Variants in CSMD1 observed in about 807,000 individuals in gnomAD.
CSMD1 encodes CUB and sushi domain-containing protein 1.
CSMD1 carries 213 observed loss-of-function variants against 417.5 expected under a neutral mutation model. That is an observed-to-expected ratio of 0.51 (90% CI 0.46 to 0.57). CSMD1 has a LOEUF of 0.57. Among genes scored for constraint, CSMD1 ranks in the 20% least tolerant of loss-of-function variants. The pLI is 0.00. For missense variants in CSMD1, 6,923 were observed against 4,529.7 expected, an observed-to-expected ratio of 1.53 and a Z score of -15.17; for synonymous variants, 2,862 against 1,736.8, an observed-to-expected ratio of 1.65 and a Z score of -16.11.
intron 2 of CSMD1, among the ~76,000 whole-genome samples, chr8:4,595,648 T>C (rs537188554): frequency 6.6e-6 from 1 of 152,262 alleles, no homozygotes; most frequent in East Asian, 1.9e-4. Flanking sequence ...ATGTCTGTAG[T>C]CCCAGCTACT....
intron 1 of CSMD1, among the ~76,000 whole-genome samples, chr8:4,664,183 G>C (rs901134134): frequency 2.0e-5 from 3 of 152,284 alleles, no homozygotes; most frequent in East Asian, 1.9e-4. Context: ...TCTCAAAGTA[G>C]CCCAGGGAGT....
At chr8:3,976,518 G>A (rs1470701041) in intron 5 of CSMD1, among the ~76,000 whole-genome samples, 1 of 152,110 alleles carries the variant, frequency 6.6e-6, no homozygotes, top group Non-Finnish European at 1.5e-5. Flanking sequence ...TTGTTGAATA[G>A]TCAAATATAA....
At chr8:3,611,661 T>C (rs1255541852) in intron 8 of CSMD1, among the ~76,000 whole-genome samples, 1 of 152,102 alleles carries the variant, frequency 6.6e-6, no homozygotes, top group Non-Finnish European at 1.5e-5. Context: ...CATCATGAGT[T>C]TGACAGTTTT....
intron 2 of CSMD1, among the ~76,000 whole-genome samples, chr8:4,577,240 A>T (rs1799181982): frequency 6.6e-6 from 1 of 152,154 alleles, no homozygotes; most frequent in Non-Finnish European, 1.5e-5. Context: ...AAAGGAAAAA[A>T]ATTCACTTAG....
intron 1 of CSMD1, among the ~76,000 whole-genome samples, chr8:4,962,910 T>G (rs553380605): frequency 1.6e-4 from 25 of 152,232 alleles, no homozygotes; most frequent in Non-Finnish European, 2.8e-4. Context: ...TATCTCCACT[T>G]TTCTGGTAGT....
Position 3,939,063 on chromosome 8 carries a change from C to G in CSMD1, c.818+58840G>C, listed in dbSNP as rs2627527. 7.9e-3 allele frequency among the ~76,000 whole-genome samples: 1,203 copies of G among 152,114 alleles called. 46 individuals carry two copies. The East Asian group carries it at 0.11, about 13-fold the overall frequency. On this transcript the variant is annotated intron_variant, in intron 5 of 69. Transcript: ENST00000635120. ...TCATAGTAATTATTGAGCCAACAGT[C>G]TGACAGAATAAATAAATCTCCTAAG... is the stretch of plus-strand genomic sequence containing the variant.
intron 1 of CSMD1, among the ~76,000 whole-genome samples, chr8:4,797,468 A>G (rs561729408): frequency 6.6e-6 from 1 of 152,196 alleles, no homozygotes; most frequent in Admixed American, 6.5e-5. Flanking sequence ...TGTTTTTATT[A>G]TGTTGGCGCA....
chr8:3,961,608 C>A (rs952104684), intron 5 of CSMD1, among the ~76,000 whole-genome samples: 1 of 152,158 alleles, frequency 6.6e-6, no homozygotes, highest in African/African-American at 2.4e-5. Flanking sequence ...TTTACTCAGG[C>A]ACCATTTGTA....
At chr8:3,896,660 C>T (rs920527064) in intron 5 of CSMD1, among the ~76,000 whole-genome samples, 1 of 151,900 alleles carries the variant, frequency 6.6e-6, no homozygotes, top group Admixed American at 6.6e-5. Context: ...TACAGGCGCC[C>T]GCCACCACAC....
At chr8:4,249,495 G>A (rs1003553433) in intron 3 of CSMD1, among the ~76,000 whole-genome samples, 2 of 152,208 alleles carry the variant, frequency 1.3e-5, no homozygotes, top group African/African-American at 4.8e-5. Flanking sequence ...TTTATTTAAT[G>A]CGGAAGGATG....
At chr8:4,041,369 C>G (rs549141890) in intron 3 of CSMD1, among the ~76,000 whole-genome samples, 2 of 152,242 alleles carry the variant, frequency 1.3e-5, no homozygotes, top group East Asian at 3.9e-4. Flanking sequence ...TAAATTTTCG[C>G]AAAACTATGA....
intron 23 of CSMD1, among the ~76,000 whole-genome samples, chr8:3,318,651 A>C (rs971803136): frequency 1.3e-5 from 2 of 152,184 alleles, no homozygotes; most frequent in African/African-American, 2.4e-5. Flanking sequence ...TCAGAGTTTA[A>C]TTGGAGGTAT....
At chr8:4,430,841 C>G (rs916682104) in intron 2 of CSMD1, among the ~76,000 whole-genome samples, 3 of 152,108 alleles carry the variant, frequency 2.0e-5, no homozygotes, top group Non-Finnish European at 2.9e-5. Flanking sequence ...ATACTTCACT[C>G]CAGTGTTGTC....
intron 2 of CSMD1, among the ~76,000 whole-genome samples, chr8:4,446,491 G>T (rs987424083): frequency 6.6e-6 from 1 of 152,272 alleles, no homozygotes. Flanking sequence ...AGGCTGCAGG[G>T]ATCTGTGATC....
At chr8:3,614,359 C>A (rs1006194159) in intron 8 of CSMD1, among the ~76,000 whole-genome samples, 4 of 151,862 alleles carry the variant, frequency 2.6e-5, no homozygotes, top group African/African-American at 9.7e-5. Flanking sequence ...GCCCCCCGAG[C>A]CAGATCAACA....
intron 10 of CSMD1, among the ~76,000 whole-genome samples, chr8:3,537,641 C>T (rs1798259577): frequency 6.6e-6 from 1 of 152,098 alleles, no homozygotes; most frequent in Non-Finnish European, 1.5e-5. Flanking sequence ...ATTTATGTAG[C>T]ATCATTTATT....
At chr8:4,921,737 T>G (rs1563772244) in intron 1 of CSMD1, among the ~76,000 whole-genome samples, 1 of 152,302 alleles carries the variant, frequency 6.6e-6, no homozygotes, top group East Asian at 1.9e-4. Context: ...ACAAAATGTG[T>G]TCCTTGTTGT....
intron 25 of CSMD1, among the ~76,000 whole-genome samples, chr8:3,286,094 G>A (rs965150952): frequency 1.3e-5 from 2 of 152,146 alleles, no homozygotes; most frequent in East Asian, 1.9e-4. Context: ...TTTTGTCCTT[G>A]AGATAGTTTG....
intron 3 of CSMD1, among the ~76,000 whole-genome samples, chr8:4,245,011 C>A (rs929468771): frequency 6.6e-6 from 1 of 152,118 alleles, no homozygotes; most frequent in East Asian, 1.9e-4. Context: ...CAAAAAGAAT[C>A]ACATACACAT....
Sources: allele counts gnomAD v4.1 joint callset (sites outside exome capture counted in the v4.1 genomes callset), GRCh38; gene constraint gnomAD v4.1.1; transcripts MANE v1.5; gene names NCBI Gene and HGNC (gene_info 2026-07-23, HGNC 2026-07-21).